EHMT1: variants seen among roughly 807,000 people sequenced by gnomAD.
EHMT1 encodes the protein histone-lysine N-methyltransferase EHMT1.
In EHMT1, 15 loss-of-function variants were observed where a neutral mutation model predicts 147.2. The ratio of observed to expected loss-of-function variants is 0.10; its 90% CI spans 0.07 to 0.16. EHMT1 has a LOEUF of 0.16. Ranked by LOEUF, EHMT1 falls within the 10% of genes least tolerant of loss-of-function variation. The probability of loss-of-function intolerance (pLI) is 1.00; values close to 1 mark genes in which losing one functional copy is unlikely to be tolerated. For missense variants in EHMT1, 1,587 were observed against 1,772.4 expected (o/e 0.90, Z 1.88); for synonymous variants, 795 against 709.6 (o/e 1.12, Z -1.91).
chr9:137,784,254 G>A, intron 15 of EHMT1: 2 of 1,521,270 alleles, frequency 1.3e-6, no homozygotes, highest in Non-Finnish European at 1.8e-6. Flanking sequence ...CCCACAGGGA[G>A]CAGGTCCATT....
At position 137,744,083 on chromosome 9, in the gene EHMT1, C is replaced by A; in HGVS notation, c.1163C>A (p.Ala388Asp). The stretch of plus-strand genomic sequence containing the variant: ...GAGAGCATGTCGGAGGCTGATCGCG[C>A]CCAGAAGGTATGTGTTGCTGTCTTG... ...SKESMSEADR[A>D]QKMDGESEEE... The change falls in exon 6 of 27, where the codon GCC (alanine) becomes GAC (aspartate). Residue 388 changes from alanine (A) to aspartate (D), a missense_variant. Physicochemically the swap from Ala to Asp is moderately radical, Grantham distance 126. This residue lies in a region of EHMT1 where 810 missense variants were observed against 673.0 expected (regional missense o/e 1.20). Coordinates refer to ENST00000460843, the MANE Select transcript of EHMT1 (RefSeq NM_024757.5). The A allele has an allele frequency of 1.9e-6, 3 of 1,614,010 alleles. No homozygotes were observed. The highest frequency in any genetic ancestry group is 2.5e-6 in the Non-Finnish European group (3 of 1,180,036).
At position 137,776,394 on chromosome 9, in the gene EHMT1, CCT is replaced by C. The variant is rs1255751237; in HGVS notation, c.1792-221_1792-220del. On this transcript the variant is annotated intron_variant, in intron 11 of 26. Coordinates refer to ENST00000460843, the MANE Select transcript of EHMT1 (RefSeq NM_024757.5). The surrounding 1 kb of genome is among the most constrained non-coding windows in gnomAD (Gnocchi z 4.4). Reference sequence around the variant, plus strand: ...AGGTGGGTTGGAGGCAGCCAAGTGACCTCTGTCTGGCTTCAGCTTCTTCTCTG... The same window carrying C: ...AGGTGGGTTGGAGGCAGCCAAGTGACCTGTCTGGCTTCAGCTTCTTCTCTG... The C allele has an allele frequency of 6.1e-6, 3 of 495,716 alleles. No homozygotes were observed. Among genetic ancestry groups the C allele is most frequent in the Non-Finnish European group, 1.1e-5 (3 of 272,414 alleles). 30.7% of individuals were successfully genotyped at this position (495,716 alleles called of 1,614,324 possible).
At chr9:137,650,104 T>C (rs964589823) in intron 1 of EHMT1, among the ~76,000 whole-genome samples, 1 of 152,102 alleles carries the variant, frequency 6.6e-6, no homozygotes, top group African/African-American at 2.4e-5. Flanking sequence ...ATTTTATTTA[T>C]TTATTTTTTT....
chr9:137,709,648 C>T (rs1243584497), intron 1 of EHMT1, among the ~76,000 whole-genome samples: 1 of 145,532 alleles, frequency 6.9e-6, no homozygotes, highest in Non-Finnish European at 1.5e-5. Context: ...AGACGCTGGA[C>T]ACCCGGGTTT....
chr9:137,678,907 A>T (rs137998757), intron 1 of EHMT1, among the ~76,000 whole-genome samples: 1 of 152,254 alleles, frequency 6.6e-6, no homozygotes, highest in East Asian at 1.9e-4. Context: ...TGCTACTCAG[A>T]GCAGTGTGCA....
intron 25 of EHMT1, chr9:137,834,030 G>C: frequency 2.3e-6 from 1 of 436,156 alleles, no homozygotes; most frequent in East Asian, 4.6e-5. Context: ...GGGTCCTCGG[G>C]TGGGATGGCG....
chr9:137,797,570 G>A (rs1213989729), intron 16 of EHMT1, among the ~76,000 whole-genome samples: 1 of 152,160 alleles, frequency 6.6e-6, no homozygotes, highest in Non-Finnish European at 1.5e-5. Flanking sequence ...AAAGACACTT[G>A]AAAATTAAGG....
At chr9:137,664,629 T>C (rs1283870303) in intron 1 of EHMT1, among the ~76,000 whole-genome samples, 1 of 152,170 alleles carries the variant, frequency 6.6e-6, no homozygotes, top group Non-Finnish European at 1.5e-5. Context: ...GGCGTCTTTG[T>C]TGCTTTAAAT....
intron 25 of EHMT1, among the ~76,000 whole-genome samples, chr9:137,825,051 C>T (rs2132968242): frequency 6.6e-6 from 1 of 152,292 alleles, no homozygotes; most frequent in East Asian, 1.9e-4. Context: ...TTTGTAAATG[C>T]TCCCTGGGTT....
chr9:137,762,261 A>AT (rs11405067), intron 9 of EHMT1, among the ~76,000 whole-genome samples: 31,198 of 147,174 alleles, frequency 0.21, 3,231 homozygotes, highest in Middle Eastern at 0.29. Flanking sequence ...TTCCAAACTG[A>AT]TTTTTTTTTT....
chr9:137,815,008 G>A (rs555083884), intron 22 of EHMT1, among the ~76,000 whole-genome samples: 4 of 152,220 alleles, frequency 2.6e-5, no homozygotes, highest in Admixed American at 6.5e-5. Flanking sequence ...ACGGGAGTGG[G>A]GAGTAGCCCT....
chr9:137,663,709 G>A (rs887288992), intron 1 of EHMT1, among the ~76,000 whole-genome samples: 1 of 152,036 alleles, frequency 6.6e-6, no homozygotes, highest in African/African-American at 2.4e-5. Context: ...TTTCCCATGC[G>A]AGCACACCAG....
intron 15 of EHMT1, among the ~76,000 whole-genome samples, chr9:137,789,886 C>T (rs1371811574): frequency 2.0e-5 from 3 of 152,228 alleles, no homozygotes; most frequent in Non-Finnish European, 4.4e-5. Flanking sequence ...CCAGGCACCA[C>T]GCCTGGTTAA....
intron 1 of EHMT1, among the ~76,000 whole-genome samples, chr9:137,657,688 T>C (rs900043610): frequency 6.6e-6 from 1 of 151,926 alleles, no homozygotes; most frequent in African/African-American, 2.4e-5. Context: ...TCTACTCTTG[T>C]AGTTATTTTA....
intron 1 of EHMT1, among the ~76,000 whole-genome samples, chr9:137,670,956 T>G (rs965780900): frequency 4.6e-5 from 7 of 152,206 alleles, no homozygotes; most frequent in Admixed American, 3.9e-4. Context: ...CCTGTGGGTC[T>G]TGGCTTGGCT....
At chr9:137,738,649 G>C (rs1345505037) in intron 4 of EHMT1, 1 of 152,118 alleles carries the variant, frequency 6.6e-6, no homozygotes, top group Admixed American at 6.5e-5. Flanking sequence ...CCCGAGGGTC[G>C]GCTGTCGGGC....
At chr9:137,778,759 G>A (rs1191344741) in intron 13 of EHMT1, among the ~76,000 whole-genome samples, 1 of 152,212 alleles carries the variant, frequency 6.6e-6, no homozygotes, top group East Asian at 1.9e-4. Context: ...CTGCTTTTGT[G>A]TCAATATAAA....
intron 1 of EHMT1, among the ~76,000 whole-genome samples, chr9:137,656,155 G>A (rs1423572690): frequency 1.3e-5 from 2 of 152,112 alleles, no homozygotes; most frequent in African/African-American, 4.8e-5. Flanking sequence ...CGAGGTGGGC[G>A]GATCACCTGA....
At chr9:137,825,935 A>G (rs1366177250) in intron 25 of EHMT1, among the ~76,000 whole-genome samples, 1 of 152,130 alleles carries the variant, frequency 6.6e-6, no homozygotes, top group African/African-American at 2.4e-5. Context: ...CAGAATAACA[A>G]AGTTCTCTTT....
Sources: gnomAD v4.1 joint callset for allele counts (sites outside exome capture counted in the v4.1 genomes callset) on GRCh38, gnomAD v4.1.1 for gene constraint, gnomAD v4.1.1 regional missense constraint, Gnocchi (gnomAD v3.1) non-coding constraint, MANE v1.5 for transcripts, NCBI Gene and HGNC (gene_info 2026-07-23, HGNC 2026-07-21) for gene names.